LRRTM4: variants seen among roughly 807,000 people sequenced by gnomAD.
LRRTM4 encodes the protein leucine-rich repeat transmembrane neuronal protein 4.
A neutral mutation model predicts 47.6 loss-of-function variants in LRRTM4; 25 were observed. The observed-to-expected ratio is 0.53, with a 90% CI of 0.38 to 0.73. The LOEUF (loss-of-function observed/expected upper bound fraction) is 0.73, where lower values mean the gene tolerates loss of function less well. LRRTM4 is among the 30% of genes least tolerant of loss of function. The probability of loss-of-function intolerance (pLI) is 0.00; values close to 1 mark genes in which losing one functional copy is unlikely to be tolerated. For synonymous variants in LRRTM4, 311 were observed against 269.5 expected (o/e 1.15, Z -1.51); for missense variants, 638 against 713.4 (o/e 0.89, Z 1.20).
At chr2:76,883,653 C>T (rs948583940) in intron 3 of LRRTM4, among the ~76,000 whole-genome samples, 9 of 152,098 alleles carry the variant, frequency 5.9e-5, no homozygotes, top group Non-Finnish European at 8.8e-5. Context: ...CCCTGACCCC[C>T]ACTGTTTCTC....
chr2:77,097,578 A>T (rs1205284935), intron 3 of LRRTM4, among the ~76,000 whole-genome samples: 1 of 152,030 alleles, frequency 6.6e-6, no homozygotes, highest in African/African-American at 2.4e-5. Context: ...ACAGTTAAAA[A>T]TATGTTTCTA....
chr2:77,049,157 T>TATATACATATATATACAC (rs1351971551), intron 3 of LRRTM4, among the ~76,000 whole-genome samples: 1 of 106,378 alleles, frequency 9.4e-6, no homozygotes, highest in African/African-American at 5.1e-5. Flanking sequence ...TATATATATA[T>TATATACATATATATACAC]ACACACACAC....
chr2:77,446,410 G>C (rs1346831275), intron 3 of LRRTM4, among the ~76,000 whole-genome samples: 1 of 151,912 alleles, frequency 6.6e-6, no homozygotes, highest in Admixed American at 6.6e-5. Flanking sequence ...CCTAGGTTGA[G>C]AACAACTGAT....
intron 3 of LRRTM4, among the ~76,000 whole-genome samples, chr2:76,832,454 CTTT>C (rs541805872): frequency 0.025 from 2,320 of 93,818 alleles, 15 homozygotes; most frequent in East Asian, 0.077. Context: ...CCTCGAAGGG[CTTT>C]TTTTTTTTTT....
At chr2:77,138,490 A>G (rs958183383) in intron 3 of LRRTM4, among the ~76,000 whole-genome samples, 2 of 152,218 alleles carry the variant, frequency 1.3e-5, no homozygotes, top group Non-Finnish European at 2.9e-5. Flanking sequence ...AGGGAAATTT[A>G]TAGCACCAAA....
rs552783106 is a variant in LRRTM4 at position 77,025,494 on chromosome 2, T to C, written c.1552-276578A>G. Among the ~76,000 whole-genome samples, 15 of 152,270 alleles carry C rather than the reference T, an allele frequency of 9.9e-5. No individual in the cohort carries two copies. The East Asian group carries it at 2.3e-3, about 24-fold the overall frequency. ...TTTCCTGCAACACATTTCTTAGAAA[T>C]GGCAAAGATTCTTATTCCTCTTCAG... On this transcript the variant is annotated intron_variant, in intron 3 of 3. Transcript: ENST00000409884.
intron 3 of LRRTM4, among the ~76,000 whole-genome samples, chr2:77,065,475 G>A (rs570324622): frequency 2.6e-5 from 4 of 152,098 alleles, no homozygotes; most frequent in Non-Finnish European, 4.4e-5. Flanking sequence ...CAACATTGCC[G>A]TAGAGGATGC....
rs542861708 is a variant in LRRTM4, at chr2:77,220,507, T to A, written c.1551+297811A>T. 1.4e-4 allele frequency among the ~76,000 whole-genome samples: 22 copies of A among 152,260 alleles called. No individual in the cohort carries two copies. In the South Asian group the frequency reaches 4.6e-3, roughly 32 times the overall value. On this transcript the variant is annotated intron_variant, in intron 3 of 3. Transcript: ENST00000409884. ...AGAATAACCAATGCAGAGAAGTCCTTAAAGGACCTGTTGGAGCTGAAAACC... is the reference window on the plus strand; with the variant it reads ...AGAATAACCAATGCAGAGAAGTCCTAAAAGGACCTGTTGGAGCTGAAAACC...
Position 77,514,067 on chromosome 2 carries a change from C to T in LRRTM4, c.1551+4251G>A, listed in dbSNP as rs889133363. Among the ~76,000 whole-genome samples, 12 of 151,736 alleles carry T rather than the reference C, an allele frequency of 7.9e-5. No individual in the cohort carries two copies. In the Admixed American group the frequency reaches 7.9e-4, roughly 10 times the overall value. Reference sequence around the variant, plus strand: ...ATATGCACACACACAAACACACACACACATATATATATACAGACATACATA... The same window carrying T: ...ATATGCACACACACAAACACACACATACATATATATATACAGACATACATA... On this transcript the variant is annotated intron_variant, in intron 3 of 3. Coordinates refer to ENST00000409884, the MANE Select transcript of LRRTM4 (RefSeq NM_001134745.3).
intron 3 of LRRTM4, among the ~76,000 whole-genome samples, chr2:77,190,354 G>A (rs1480212982): frequency 7.0e-6 from 1 of 143,204 alleles, no homozygotes; most frequent in Non-Finnish European, 1.5e-5. Flanking sequence ...GGAGAGCAAC[G>A]GCACGATCTT....
chr2:76,758,127 TAAG>T (rs1279584545), intron 3 of LRRTM4, among the ~76,000 whole-genome samples: 6 of 152,166 alleles, frequency 3.9e-5, no homozygotes, highest in African/African-American at 1.4e-4. Context: ...TTGTTTTACT[TAAG>T]AACATGCATC....
chr2:76,811,045 A>G (rs185666943), intron 3 of LRRTM4, among the ~76,000 whole-genome samples: 1 of 152,278 alleles, frequency 6.6e-6, no homozygotes, highest in African/African-American at 2.4e-5. Flanking sequence ...ATAGAAAGGA[A>G]AATGAAAAGT....
At chr2:77,029,906 CAG>C (rs934958988) in intron 3 of LRRTM4, among the ~76,000 whole-genome samples, 44 of 152,028 alleles carry the variant, frequency 2.9e-4, no homozygotes, top group African/African-American at 8.9e-4. Flanking sequence ...CCTAGGGACT[CAG>C]GGGGAAATTA....
At chr2:77,382,987 G>T (rs774782702) in intron 3 of LRRTM4, among the ~76,000 whole-genome samples, 10 of 152,056 alleles carry the variant, frequency 6.6e-5, no homozygotes, top group Non-Finnish European at 1.5e-4. Flanking sequence ...AGCTGCTGGC[G>T]TTTTCCATTT....
intron 3 of LRRTM4, among the ~76,000 whole-genome samples, chr2:77,209,685 T>C (rs1674239226): frequency 6.6e-6 from 1 of 152,222 alleles, no homozygotes; most frequent in South Asian, 2.1e-4. Context: ...TAGTGAACTA[T>C]ATAATTTTCT....
chr2:77,457,101 T>G (rs1431729630), intron 3 of LRRTM4, among the ~76,000 whole-genome samples: 3 of 139,002 alleles, frequency 2.2e-5, no homozygotes, highest in African/African-American at 8.3e-5. Flanking sequence ...CTCTTGGTGA[T>G]TTTTTTTTTC....
chr2:77,401,706 T>G (rs1351575553), intron 3 of LRRTM4, among the ~76,000 whole-genome samples: 1 of 151,954 alleles, frequency 6.6e-6, no homozygotes, highest in African/African-American at 2.4e-5. Context: ...TATTTTGCCA[T>G]AGGAGTAAAA....
intron 3 of LRRTM4, among the ~76,000 whole-genome samples, chr2:77,339,237 C>G (rs572205022): frequency 6.6e-6 from 1 of 152,042 alleles, no homozygotes; most frequent in African/African-American, 2.4e-5. Context: ...ACAAGTACCT[C>G]CTGAATGTAA....
chr2:77,201,431 T>C (rs1400765715), intron 3 of LRRTM4, among the ~76,000 whole-genome samples: 5 of 152,160 alleles, frequency 3.3e-5, no homozygotes, highest in Non-Finnish European at 4.4e-5. Flanking sequence ...TTCTGTTTCA[T>C]ATAAAATTAA....
Sources: allele counts gnomAD v4.1 joint callset (sites outside exome capture counted in the v4.1 genomes callset), GRCh38; gene constraint gnomAD v4.1.1; transcripts MANE v1.5; gene names NCBI Gene and HGNC (gene_info 2026-07-23, HGNC 2026-07-21).